MYO7B: variants seen among roughly 807,000 people sequenced by gnomAD.
The protein encoded by MYO7B is unconventional myosin-VIIb.
In MYO7B, 212 loss-of-function variants were observed where a neutral mutation model predicts 259.7. That is an observed-to-expected ratio of 0.82 (90% CI 0.73 to 0.91). MYO7B has a LOEUF of 0.91. Ranked by LOEUF, MYO7B falls within the 40% of genes least tolerant of loss-of-function variation. The pLI is 0.00. For synonymous variants in MYO7B, 1,197 were observed against 1,166.4 expected (o/e 1.03, Z -0.54); for missense variants, 2,732 against 2,813.5 (o/e 0.97, Z 0.66).
Position 127,576,857 on chromosome 2 carries a change from C to A in MYO7B, c.849+149C>A, listed in dbSNP as rs1573643563. ...GGTTCCCTTTGCCTCTCCTCGCCAG[C>A]CCCTCTCTGCTGGGAATCACCTTGC... On this transcript the variant is annotated intron_variant, in intron 8 of 47. Transcript: ENST00000409816. This position sits in a 1 kb window ranked among gnomAD's most constrained non-coding sequence, Gnocchi z 4.9. 2 of 571,806 alleles carry A rather than the reference C, an allele frequency of 3.5e-6. No individual in the cohort carries two copies. Among genetic ancestry groups the A allele is most frequent in the Admixed American group, 3.2e-5 (1 of 31,302 alleles). 35.4% of individuals were successfully genotyped at this position (571,806 alleles called of 1,614,324 possible).
At chr2:127,566,973 T>C in intron 5 of MYO7B, 146 bp downstream of exon 5, 2 of 848,858 alleles carry the variant, frequency 2.4e-6, no homozygotes, top group Non-Finnish European at 3.5e-6. Context: ...CCAGTTACCC[T>C]GCACCCCGAG....
intron 36 of MYO7B, 66 bp downstream of exon 36, chr2:127,630,974 C>G: frequency 6.8e-7 from 1 of 1,471,234 alleles, no homozygotes; most frequent in South Asian, 1.3e-5. Context: ...CCTCATTGCA[C>G]CCCCTGCTCC....
At chr2:127,573,699 C>T (rs1231297367) in intron 6 of MYO7B, among the ~76,000 whole-genome samples, 1 of 152,240 alleles carries the variant, frequency 6.6e-6, no homozygotes, top group Non-Finnish European at 1.5e-5. Context: ...ATTTCTGCGT[C>T]TGCAAGCACA....
At position 127,625,485 on chromosome 2, in the gene MYO7B, A is replaced by G; in HGVS notation, c.4165A>G (p.Thr1389Ala). The change falls in exon 31 of 48, where the codon ACC becomes GCC. Residue 1389 changes from threonine (T) to alanine (A), a missense_variant. Thr to Ala is a moderately conservative substitution (Grantham distance 58). Coordinates refer to ENST00000409816, the MANE Select transcript of MYO7B (RefSeq NM_001393586.1). ...CTGCATCCCCCACAAGCTGTACAGG[A>G]CCAAGCCCCCAGACAGGTGGGCGAG... ...PSCIPHKLYRTKPPDRWASLV... is the reference protein window; with the variant it reads ...PSCIPHKLYRAKPPDRWASLV... 1 of 1,611,664 alleles carries G rather than the reference A, an allele frequency of 6.2e-7. No individual in the cohort carries two copies. The highest frequency in any genetic ancestry group is 8.5e-7 in the Non-Finnish European group (1 of 1,179,344).
intron 7 of MYO7B, among the ~76,000 whole-genome samples, chr2:127,574,512 C>T (rs564893552): frequency 1.3e-5 from 2 of 152,368 alleles, no homozygotes; most frequent in African/African-American, 4.8e-5. Context: ...TGCACTCCAG[C>T]CTGGGCAACA....
intron 47 of MYO7B, 171 bp from the exon 48 acceptor site, chr2:127,637,139 GGGAGAC>G: frequency 1.1e-6 from 1 of 927,574 alleles, no homozygotes; most frequent in Non-Finnish European, 1.7e-6. Context: ...CAAGGAGGGA[GGGAGAC>G]CCAGCTCCAG....
chr2:127,610,937 C>A (rs937052733), intron 24 of MYO7B, among the ~76,000 whole-genome samples: 3 of 152,252 alleles, frequency 2.0e-5, no homozygotes, highest in Non-Finnish European at 4.4e-5. Context: ...ATTACCCCCC[C>A]CAAACCTAAC....
chr2:127,612,216 C>T, intron 24 of MYO7B, 34 bp from the exon 25 acceptor site: 1 of 579,184 alleles, frequency 1.7e-6, no homozygotes, highest in Non-Finnish European at 3.2e-6. Context: ...TGAGCCCAGG[C>T]TCACCTTCCT....
At chr2:127,608,980 C>T (rs969400032) in intron 22 of MYO7B, 102 bp downstream of exon 22, 57 of 1,436,468 alleles carry the variant, frequency 4.0e-5, no homozygotes, top group East Asian at 3.0e-4. Context: ...GAAGCCAGAG[C>T]GGTGGCCAAG....
intron 1 of MYO7B, among the ~76,000 whole-genome samples, chr2:127,548,557 A>G (rs1693324973): frequency 6.6e-6 from 1 of 151,876 alleles, no homozygotes; most frequent in Non-Finnish European, 1.5e-5. Context: ...CTGGGATTAC[A>G]GGTGCGTGCC....
chr2:127,543,515 C>G (rs1236700205), intron 1 of MYO7B, among the ~76,000 whole-genome samples: 1 of 152,076 alleles, frequency 6.6e-6, no homozygotes, highest in Non-Finnish European at 1.5e-5. Flanking sequence ...TACATAGACA[C>G]AGTAACAGTC....
At position 127,576,628 on chromosome 2, in the gene MYO7B, T is replaced by C; in HGVS notation, c.769T>C (p.Cys257Arg). The change falls in exon 8 of 48, where the codon TGC (cysteine) becomes CGC (arginine). Residue 257 changes from cysteine to arginine, a missense_variant. This residue lies in a region of MYO7B where 1,906 missense variants were observed against 2,026.4 expected (regional missense o/e 0.94). Coordinates refer to ENST00000409816, the MANE Select transcript of MYO7B (RefSeq NM_001393586.1). The surrounding 1 kb of genome is among the most constrained non-coding windows in gnomAD (Gnocchi z 4.9). ...PEERNYHIFY[C>R]MLMGVSAEDK... The stretch of plus-strand genomic sequence containing the variant: ...GGAGCGGAACTACCATATCTTCTAC[T>C]GCATGCTCATGGGGGTGAGTGCTGA... The C allele has an allele frequency of 6.2e-7, 1 of 1,600,680 alleles. No individual in the cohort carries two copies. Among genetic ancestry groups the C allele is most frequent in the African/African-American group, 1.3e-5 (1 of 74,562 alleles).
At chr2:127,581,821 A>G (rs1679112206) in intron 10 of MYO7B, 70 bp from the exon 11 acceptor site, 3 of 1,599,130 alleles carry the variant, frequency 1.9e-6, no homozygotes, top group Non-Finnish European at 1.7e-6. Flanking sequence ...AAGACTTGGC[A>G]GAAGCAGGTC....
intron 5 of MYO7B, among the ~76,000 whole-genome samples, chr2:127,567,146 A>T (rs1265530884): frequency 6.6e-6 from 1 of 152,204 alleles, no homozygotes; most frequent in Non-Finnish European, 1.5e-5. Flanking sequence ...GCTCATGCCT[A>T]TAATCCCAGG....
intron 1 of MYO7B, among the ~76,000 whole-genome samples, chr2:127,554,723 T>C (rs1693574132): frequency 6.6e-6 from 1 of 152,172 alleles, no homozygotes; most frequent in African/African-American, 2.4e-5. Context: ...TTTTTGTTGT[T>C]GCTGGTAATT....
At chr2:127,573,225 CA>C (rs1457073428) in intron 6 of MYO7B, among the ~76,000 whole-genome samples, 1 of 152,158 alleles carries the variant, frequency 6.6e-6, no homozygotes, top group Non-Finnish European at 1.5e-5. Context: ...TCTTCTAGAA[CA>C]AATCAAATAT....
rs1678753438 is a variant in MYO7B at position 127,573,987 on chromosome 2, CT to C, written c.663del (p.Phe221LeufsTer6). On this transcript the variant is annotated frameshift_variant, in exon 7 of 48. Coordinates refer to ENST00000409816, the MANE Select transcript of MYO7B (RefSeq NM_001393586.1). LOFTEE classifies it high-confidence loss of function. ...GCTTTGGGAAGTACATTGACATCTA[CT>C]TTAACCCCAGCGGGGTGATCGAGGG... The part of the protein sequence containing the change: ...SRFGKYIDIY[F>X]NPSGVIEGAR... 2.5e-6 allele frequency: 4 copies of C among 1,613,948 alleles called. No individual in the cohort carries two copies. The highest frequency in any genetic ancestry group is 3.4e-6 in the Non-Finnish European group (4 of 1,179,908).
intron 19 of MYO7B, among the ~76,000 whole-genome samples, chr2:127,605,154 C>A (rs930757280): frequency 5.3e-5 from 8 of 152,202 alleles, no homozygotes; most frequent in African/African-American, 1.9e-4. Flanking sequence ...TCGCCAGAGC[C>A]CAGCTTTCAG....
At chr2:127,616,061 T>C (rs1189595351) in intron 26 of MYO7B, among the ~76,000 whole-genome samples, 1 of 152,252 alleles carries the variant, frequency 6.6e-6, no homozygotes, top group Admixed American at 6.5e-5. Context: ...CCGGGAGGCA[T>C]GCCGTTGCTG....
Sources: allele counts gnomAD v4.1 joint callset (sites outside exome capture counted in the v4.1 genomes callset), GRCh38; gene constraint gnomAD v4.1.1; regional missense constraint gnomAD v4.1.1; non-coding constraint Gnocchi (gnomAD v3.1); transcripts MANE v1.5; gene names NCBI Gene and HGNC (gene_info 2026-07-23, HGNC 2026-07-21).